SBNO1: variants seen among roughly 807,000 people sequenced by gnomAD.
SBNO1 encodes protein strawberry notch homolog 1.
A neutral mutation model predicts 173.6 loss-of-function variants in SBNO1; 23 were observed. That is an observed-to-expected ratio of 0.13 (90% confidence interval 0.10 to 0.19). SBNO1 has a LOEUF of 0.19. SBNO1 is among the 10% of genes least tolerant of loss of function. SBNO1 has a pLI of 1.00. For synonymous variants in SBNO1, 632 were observed against 571.5 expected (o/e 1.11, Z -1.51); for missense variants, 1,238 against 1,671.2 (o/e 0.74, Z 4.52).
chr12:123,315,524 C>A (rs1869165194), intron 22 of SBNO1, 24 bp downstream of exon 22: 1 of 1,577,258 alleles, frequency 6.3e-7, no homozygotes, highest in Non-Finnish European at 8.7e-7. Flanking sequence ...CATTTACACA[C>A]AGCCACACAA....
At chr12:123,326,583 C>T (rs1021952707) in intron 13 of SBNO1, among the ~76,000 whole-genome samples, 3 of 152,108 alleles carry the variant, frequency 2.0e-5, no homozygotes, top group African/African-American at 7.2e-5. Flanking sequence ...ATGGCTATAA[C>T]TTATGAATTA....
intron 30 of SBNO1, 94 bp from the exon 31 acceptor site, chr12:123,298,265 C>CTTTTT: frequency 8.1e-7 from 1 of 1,231,588 alleles, no homozygotes; most frequent in Non-Finnish European, 1.1e-6. Flanking sequence ...AATTTCTTTT[C>CTTTTT]TTTTCTTTTT....
intron 10 of SBNO1, 43 bp from the exon 11 acceptor site, chr12:123,328,070 T>A (rs202021497): frequency 3.3e-5 from 48 of 1,466,846 alleles, no homozygotes; most frequent in Admixed American, 2.5e-4. Flanking sequence ...TAGTATTAAG[T>A]AAGAATCTCC....
intron 23 of SBNO1, among the ~76,000 whole-genome samples, chr12:123,314,635 C>G (rs888936032): frequency 6.6e-6 from 1 of 151,318 alleles, no homozygotes; most frequent in Non-Finnish European, 1.5e-5. Flanking sequence ...CCACGCCCAA[C>G]TAATTTTTGT....
At chr12:123,309,947 T>G in intron 25 of SBNO1, 91 bp from the exon 26 acceptor site, 3 of 1,000,900 alleles carry the variant, frequency 3.0e-6, no homozygotes, top group East Asian at 4.8e-5. Context: ...CTTTCTCTTC[T>G]AAAAGTCTTC....
At chr12:123,347,278 G>A (rs1247959768) in intron 3 of SBNO1, among the ~76,000 whole-genome samples, 2 of 151,940 alleles carry the variant, frequency 1.3e-5, no homozygotes, top group African/African-American at 2.4e-5. Flanking sequence ...CCAGGCTGGA[G>A]TGCAGCGGTC....
intron 5 of SBNO1, among the ~76,000 whole-genome samples, chr12:123,338,172 C>G (rs1228645657): frequency 6.6e-6 from 1 of 152,212 alleles, no homozygotes; most frequent in African/African-American, 2.4e-5. Flanking sequence ...CAGGTACTCC[C>G]ATTTTTCAAA....
chr12:123,320,773 G>T lies in SBNO1; in HGVS notation c.2417C>A (p.Ala806Glu). 1 of 1,610,954 alleles carries T rather than the reference G, an allele frequency of 6.2e-7. No homozygotes were observed. The highest frequency in any genetic ancestry group is 8.5e-7 in the Non-Finnish European group (1 of 1,178,102). ...DPDSIQSALL[A>E]SGLGSKRPSF... ...AGGTCGTTTTGATCCAAGACCTGAT[G>T]CTAATAAGGCACTTTGAATAGAATC... Residue 806 changes from alanine to glutamate, a missense_variant, in exon 18 of 32, where the codon GCA becomes GAA. Ala to Glu is a moderately radical substitution (Grantham distance 107). This residue lies in a region of SBNO1 where 5 missense variants were observed against 18.6 expected (regional missense o/e 0.27). Transcript: ENST00000602398.
chr12:123,358,919 T>A (rs1211903825), intron 1 of SBNO1, among the ~76,000 whole-genome samples: 1 of 151,834 alleles, frequency 6.6e-6, no homozygotes, highest in Non-Finnish European at 1.5e-5. Flanking sequence ...GGGTGTCAAA[T>A]CAATTTGGTG....
At chr12:123,350,942 T>C (rs1873801365) in intron 1 of SBNO1, among the ~76,000 whole-genome samples, 1 of 151,950 alleles carries the variant, frequency 6.6e-6, no homozygotes, top group South Asian at 2.1e-4. Context: ...GCCAAAATGG[T>C]GAAACCTTGC....
chr12:123,342,693 TTATCAA>T (rs1156705253), intron 4 of SBNO1, among the ~76,000 whole-genome samples: 3 of 152,184 alleles, frequency 2.0e-5, no homozygotes, highest in Non-Finnish European at 4.4e-5. Flanking sequence ...CAGAATCCAC[TTATCAA>T]TCAGCAGAGC....
At chr12:123,363,842 G>A in intron 1 of SBNO1, 1 of 985,228 alleles carries the variant, frequency 1.0e-6, no homozygotes, top group Non-Finnish European at 1.2e-6. Context: ...GCAGGGGTGG[G>A]AAGGGGAGGA....
intron 4 of SBNO1, 130 bp downstream of exon 4, chr12:123,345,128 A>C: frequency 1.3e-6 from 1 of 744,626 alleles, no homozygotes; most frequent in South Asian, 1.8e-5. Context: ...AAAGACTGTA[A>C]GTACGCAAAA....
intron 19 of SBNO1, among the ~76,000 whole-genome samples, 165 bp downstream of exon 19, chr12:123,320,265 CAG>C (rs570582201): frequency 1.3e-5 from 2 of 152,208 alleles, no homozygotes; most frequent in Non-Finnish European, 2.9e-5. Flanking sequence ...GACAGACACT[CAG>C]ATACTGCAGG....
rs143013489 is a variant in SBNO1, at chr12:123,294,634, CAAAAAAAAAAAAAAAAAAA to C, written c.*1255_*1273del. The C allele has an allele frequency of 3.3e-5, 2 of 59,958 alleles. No homozygotes were observed. The highest frequency in any genetic ancestry group is 2.7e-5 in the Non-Finnish European group (1 of 36,860). The allele number at this position is 59,958 out of a possible 1,614,324, so 3.7% of individuals were successfully genotyped here. A position where few individuals can be genotyped will look rare whatever the true frequency, so the allele number is the denominator to read the frequency against. ...TTTTCAATAGTGCAACCTGTGGAAG[CAAAAAAAAAAAAAAAAAAA>C]AAAAAAAAGAAAAAAAGAAAAGAAA... is the stretch of plus-strand genomic sequence containing the variant. On this transcript the variant is annotated 3_prime_UTR_variant, in exon 32 of 32. Coordinates refer to ENST00000602398, the MANE Select transcript of SBNO1 (RefSeq NM_001167856.3).
rs993843098 is a variant in SBNO1, at chr12:123,304,733, A to G, written c.3631-14T>C. 2.1e-6 allele frequency: 3 copies of G among 1,427,916 alleles called. No individual in the cohort carries two copies. In the African/African-American group the frequency reaches 4.3e-5, roughly 21 times the overall value. 88.5% of individuals were successfully genotyped at this position (1,427,916 alleles called of 1,614,324 possible). On this transcript the variant is annotated splice_polypyrimidine_tract_variant and intron_variant, in intron 28 of 31. Coordinates refer to ENST00000602398, the MANE Select transcript of SBNO1 (RefSeq NM_001167856.3). ...GTTGTTCCTTATCTGTTTAAAGAAA[A>G]TGACAAAATATAAAGATTTTATAAT...
rs190416856 is a variant in SBNO1, at chr12:123,364,189, G to A, written c.-1+512C>T. On this transcript the variant is annotated intron_variant, in intron 1 of 31. Transcript: ENST00000602398. Reference sequence around the variant, plus strand: ...GGCATGTACGAGACCGCGCTGTGGGGTTCAGATTTAGGAAGGACGACCGCG... The same window carrying A: ...GGCATGTACGAGACCGCGCTGTGGGATTCAGATTTAGGAAGGACGACCGCG... 299 of 985,580 alleles carry A rather than the reference G, an allele frequency of 3.0e-4. 2 individuals carry two copies. In the Middle Eastern group the frequency reaches 3.1e-3, roughly 10 times the overall value. The allele number at this position is 985,580 out of a possible 1,614,324, so 61.1% of individuals were successfully genotyped here.
At chr12:123,318,758 T>C (rs1255518789) in intron 20 of SBNO1, among the ~76,000 whole-genome samples, 1 of 139,904 alleles carries the variant, frequency 7.1e-6, no homozygotes, top group Non-Finnish European at 1.5e-5. Flanking sequence ...AAAAAAAGAG[T>C]CTCTGGAGGC....
At chr12:123,328,673 T>C in intron 10 of SBNO1, 61 bp downstream of exon 10, 1 of 1,278,038 alleles carries the variant, frequency 7.8e-7, no homozygotes, top group Non-Finnish European at 1.0e-6. Flanking sequence ...TTCCCAAAGG[T>C]CTACCCTTTT....
Sources: allele counts gnomAD v4.1 joint callset (sites outside exome capture counted in the v4.1 genomes callset), GRCh38; gene constraint gnomAD v4.1.1; regional missense constraint gnomAD v4.1.1; transcripts MANE v1.5; gene names NCBI Gene and HGNC (gene_info 2026-07-23, HGNC 2026-07-21).